The following UNC45A variants were observed in gnomAD, a reference collection of about 807,000 sequenced individuals.
UNC45A encodes the protein protein unc-45 homolog A.
A neutral mutation model predicts 103.2 loss-of-function variants in UNC45A; 78 were observed. The observed-to-expected ratio is 0.76, with a 90% CI of 0.63 to 0.91. The LOEUF (loss-of-function observed/expected upper bound fraction) is 0.91. Ranked by LOEUF, UNC45A falls within the 40% of genes least tolerant of loss-of-function variation. The pLI is 0.00. For synonymous variants in UNC45A, 495 were observed against 504.6 expected, an observed-to-expected ratio of 0.98 and a Z score of 0.25; for missense variants, 1,193 against 1,224.8, an observed-to-expected ratio of 0.97 and a Z score of 0.39.
rs1312178366 is a variant in UNC45A at position 90,953,742 on chromosome 15, C to G, written c.*26C>G. 2 of 1,607,244 alleles carry G rather than the reference C, an allele frequency of 1.2e-6. No homozygotes were observed. Among genetic ancestry groups the G allele is most frequent in the Non-Finnish European group, 1.7e-6 (2 of 1,176,010 alleles). On this transcript the variant is annotated 3_prime_UTR_variant, in exon 20 of 20. Coordinates refer to ENST00000418476, the MANE Select transcript of UNC45A (RefSeq NM_018671.5). Reference sequence around the variant, plus strand: ...GGGGGTTGTCCCTGGGCCCAAGGCTCATGCACACGCTACCTATTGTGGCAC... The same window carrying G: ...GGGGGTTGTCCCTGGGCCCAAGGCTGATGCACACGCTACCTATTGTGGCAC...
upstream of UNC45A, chr15:90,931,401 C>T (rs117318472): frequency 5.1e-3 from 8,095 of 1,582,088 alleles, 28 homozygotes; most frequent in Non-Finnish European, 6.4e-3. Context: ...GATGTTCTGA[C>T]CATCCTGCAT....
intron 9 of UNC45A, among the ~76,000 whole-genome samples, chr15:90,946,390 G>A (rs1339480151): frequency 6.6e-6 from 1 of 152,152 alleles, no homozygotes; most frequent in Non-Finnish European, 1.5e-5. Context: ...GGTGGTATGG[G>A]AGTAACCTGT....
At chr15:90,943,139 G>A (rs1418260776) in intron 8 of UNC45A, 57 bp downstream of exon 8, 2 of 1,535,876 alleles carry the variant, frequency 1.3e-6, no homozygotes, top group African/African-American at 2.8e-5. Context: ...TTTATTCTTA[G>A]GAGTAATAAG....
intron 14 of UNC45A, 45 bp downstream of exon 14, chr15:90,949,488 C>G: frequency 6.2e-7 from 1 of 1,609,110 alleles, no homozygotes; most frequent in Non-Finnish European, 8.5e-7. Flanking sequence ...ACTCCTGAGC[C>G]TCAGGGCTGC....
rs1225454918 is a variant in UNC45A at position 90,935,676 on chromosome 15, C to T, written c.184C>T (p.Arg62Trp). Residue 62 changes from arginine to tryptophan, a missense_variant, in exon 2 of 20, where the codon CGG becomes TGG. By Grantham distance (101) the Arg-to-Trp change is moderately radical (BLOSUM62 -3). Transcript: ENST00000418476. ...ATPQDQAVLH[R>W]NRAACHLKLE... The stretch of plus-strand genomic sequence containing the variant: ...GCCCCAGGACCAGGCCGTTCTGCAC[C>T]GGAACCGGGCCGCCTGCCACCTCAA... 3.8e-6 allele frequency: 6 copies of T among 1,571,856 alleles called. No individual in the cohort carries two copies. The highest frequency in any genetic ancestry group is 1.4e-5 in the African/African-American group (1 of 73,326).
rs2036727426 is a variant in UNC45A, at chr15:90,948,862, C to T, written c.1878+68C>T. ...GACAGCTAACCCAGGGCATCCACAG[C>T]AGAACAACCTCCCTTTTTTTTTTTT... On this transcript the variant is annotated intron_variant, in intron 13 of 19. Transcript: ENST00000418476. 3.7e-6 allele frequency: 5 copies of T among 1,345,536 alleles called. No homozygotes were observed. In the South Asian group the frequency reaches 7.4e-5, roughly 20 times the overall value. The allele number at this position is 1,345,536 out of a possible 1,614,324, so 83.3% of individuals were successfully genotyped here.
upstream of UNC45A, chr15:90,932,271 A>C (rs2035827662): frequency 2.3e-6 from 2 of 856,792 alleles, no homozygotes; most frequent in Admixed American, 3.0e-5. Context: ...AAAGGGAACG[A>C]TCATGCCTAC....
chr15:90,953,399 G>A, intron 19 of UNC45A, 60 bp from the exon 20 acceptor site: 1 of 1,601,332 alleles, frequency 6.2e-7, no homozygotes, highest in African/African-American at 1.3e-5. Flanking sequence ...GTGTGGGTGT[G>A]TCCCTTGCCA....
intron 17 of UNC45A, chr15:90,952,456 G>C (rs1234887416): frequency 6.5e-6 from 1 of 154,340 alleles, no homozygotes; most frequent in Non-Finnish European, 1.4e-5. Context: ...GTCTCCCTCT[G>C]TTGCCCAGGC....
At chr15:90,942,757 C>A in intron 7 of UNC45A, 152 bp downstream of exon 7, 15 of 1,484,968 alleles carry the variant, frequency 1.0e-5, no homozygotes, top group Non-Finnish European at 1.2e-5. Context: ...AGATTCTCAG[C>A]AACCAAGGTG....
At chr15:90,948,396 T>A in intron 12 of UNC45A, 113 bp downstream of exon 12, 1 of 1,499,444 alleles carries the variant, frequency 6.7e-7, no homozygotes, top group Non-Finnish European at 9.0e-7. Context: ...GGAAGAGGGC[T>A]GGTGGCTGAG....
chr15:90,940,668 T>A (rs1038771761), intron 6 of UNC45A, 195 bp downstream of exon 6: 6 of 522,036 alleles, frequency 1.1e-5, no homozygotes, highest in Non-Finnish European at 1.5e-5. Context: ...ATCCCAGCAC[T>A]TTGGGGGGCT....
chr15:90,937,900 A>T lies in UNC45A; in HGVS notation c.426+1440A>T, dbSNP rs368482414. 1.4e-4 allele frequency among the ~76,000 whole-genome samples: 21 copies of T among 152,108 alleles called. 1 individual carries two copies. The highest frequency in any genetic ancestry group is 1.3e-3 in the East Asian group (7 of 5,192). ...CAACCTCTTCCTCCCGGGCTCAAGC[A>T]GTCCTCCCACTTCAGCCTCCCAAGT... On this transcript the variant is annotated intron_variant, in intron 4 of 19. Transcript: ENST00000418476.
intron 8 of UNC45A, among the ~76,000 whole-genome samples, chr15:90,943,600 A>C (rs1243747601): frequency 1.3e-5 from 2 of 152,164 alleles, no homozygotes; most frequent in African/African-American, 2.4e-5. Flanking sequence ...AGGGGGCTCA[A>C]AGTTAGACTC....
intron 10 of UNC45A, 156 bp downstream of exon 10, chr15:90,947,070 G>A: frequency 2.4e-6 from 2 of 834,486 alleles, no homozygotes; most frequent in Non-Finnish European, 3.6e-6. Flanking sequence ...ATGCCTATAG[G>A]TCCAGCTACT....
chr15:90,932,203 G>T (rs1596201341), upstream of UNC45A: 2 of 1,348,330 alleles, frequency 1.5e-6, no homozygotes, highest in Non-Finnish European at 2.0e-6. Flanking sequence ...GCCCCTTGTG[G>T]ACTCTGACTA....
chr15:90,949,172 A>G (rs1008048042), intron 13 of UNC45A, 144 bp from the exon 14 acceptor site: 1 of 1,230,594 alleles, frequency 8.1e-7, no homozygotes. Context: ...CACCGTGCCC[A>G]GCCAACAGCC....
chr15:90,949,835 GC>G (rs2036793514), intron 15 of UNC45A, 115 bp downstream of exon 15: 3 of 1,141,720 alleles, frequency 2.6e-6, no homozygotes, highest in Non-Finnish European at 3.9e-6. Context: ...AACATTAATG[GC>G]CAGAGGAACA....
chr15:90,950,349 C>T lies in UNC45A; in HGVS notation c.2187+82C>T, dbSNP rs1244853163. ...CTGGGCTGTAGCTCCCCTTTGGGAC[C>T]AGCAGGAAGTTTCAGCTTTGTCAAG... On this transcript the variant is annotated intron_variant, in intron 16 of 19. Transcript: ENST00000418476. 17 of 1,500,128 alleles carry T rather than the reference C, an allele frequency of 1.1e-5. No homozygotes were observed. In the Admixed American group the frequency reaches 3.4e-4, roughly 30 times the overall value. 92.9% of individuals were successfully genotyped at this position (1,500,128 alleles called of 1,614,324 possible).
Sources: gnomAD v4.1 joint callset for allele counts (sites outside exome capture counted in the v4.1 genomes callset) on GRCh38, gnomAD v4.1.1 for gene constraint, MANE v1.5 for transcripts, NCBI Gene and HGNC (gene_info 2026-07-23, HGNC 2026-07-21) for gene names.